The following FER1L6 variants were observed in gnomAD, a reference collection of about 807,000 sequenced individuals.
The protein encoded by FER1L6 is fer-1 like family member 6.
Under a neutral mutation model 219.2 loss-of-function variants are expected in FER1L6, and 177 were observed. That is an observed-to-expected ratio of 0.81 (90% CI 0.71 to 0.91). FER1L6 has a LOEUF of 0.91. FER1L6 is among the 40% of genes least tolerant of loss of function. FER1L6 has a pLI of 0.00. For synonymous variants in FER1L6, 768 were observed against 824.3 expected (o/e 0.93, Z 1.17); for missense variants, 2,153 against 2,259.9 (o/e 0.95, Z 0.96).
Position 123,852,960 on chromosome 8 carries a change from TTAGA to T in FER1L6, c.-8+778_-8+781del, listed in dbSNP as rs1816540205. Among the ~76,000 whole-genome samples the T allele has an allele frequency of 6.6e-6, 1 of 152,170 alleles. No homozygotes were observed. The highest frequency in any genetic ancestry group is 1.5e-5 in the Non-Finnish European group (1 of 68,026). Reference sequence around the variant, plus strand: ...TCATATATCATATATGAAATATGTATTAGATATAGATGTATTCTATGTGTCTATT... The same window carrying T: ...TCATATATCATATATGAAATATGTATTATAGATGTATTCTATGTGTCTATT... On this transcript the variant is annotated intron_variant, in intron 1 of 40. Transcript: ENST00000522917. The surrounding 1 kb of genome is among the most constrained non-coding windows in gnomAD (Gnocchi z 4.9).
chr8:124,066,372 T>G, intron 26 of FER1L6, 56 bp from the exon 27 acceptor site: 1 of 1,582,502 alleles, frequency 6.3e-7, no homozygotes, highest in South Asian at 1.2e-5. Flanking sequence ...CAGTTGACCA[T>G]CAGCATGCAG....
chr8:124,099,519 C>T (rs116484011), intron 37 of FER1L6, among the ~76,000 whole-genome samples: 39 of 152,258 alleles, frequency 2.6e-4, no homozygotes, highest in East Asian at 1.9e-4. Context: ...TCTCCATCTT[C>T]GCCACATCCC....
intron 1 of FER1L6, among the ~76,000 whole-genome samples, chr8:123,865,061 G>T (rs1816808760): frequency 6.6e-6 from 1 of 150,934 alleles, no homozygotes; most frequent in African/African-American, 2.5e-5. Flanking sequence ...GGTGCTCTGT[G>T]TTTTAGAGTT....
At chr8:123,874,011 A>G (rs1816964516) in intron 1 of FER1L6, among the ~76,000 whole-genome samples, 1 of 152,176 alleles carries the variant, frequency 6.6e-6, no homozygotes, top group Non-Finnish European at 1.5e-5. Flanking sequence ...AACATCTTAT[A>G]ATTACCACCT....
chr8:124,033,696 T>A (rs1236997418), intron 18 of FER1L6, among the ~76,000 whole-genome samples: 1 of 152,216 alleles, frequency 6.6e-6, no homozygotes, highest in Non-Finnish European at 1.5e-5. Flanking sequence ...AAATATTAGC[T>A]CATATTACCT....
Position 123,986,156 on chromosome 8 carries a change from T to G in FER1L6, c.1499T>G (p.Ile500Ser). The change falls in exon 12 of 41, where the codon ATC (isoleucine) becomes AGC (serine). Residue 500 changes from isoleucine (I) to serine (S), a missense_variant. Coordinates refer to ENST00000522917, the MANE Select transcript of FER1L6 (RefSeq NM_001039112.2). Reference protein sequence around the residue: ...MIDRKIGDKPISFEVSIGNFG... With the variant: ...MIDRKIGDKPSSFEVSIGNFG... ...GACCGGAAGATTGGAGATAAACCCA[T>G]CAGCTTTGAAGTTTCTATTGGTAAG... 6.2e-7 allele frequency: 1 copy of G among 1,610,722 alleles called. No homozygotes were observed. Among genetic ancestry groups the G allele is most frequent in the Admixed American group, 1.7e-5 (1 of 60,020 alleles).
At chr8:123,893,575 CTATT>C (rs1243670585) in intron 1 of FER1L6, among the ~76,000 whole-genome samples, 9 of 152,258 alleles carry the variant, frequency 5.9e-5, no homozygotes, top group African/African-American at 2.2e-4. Context: ...AATTTGTAAA[CTATT>C]TATGAATATT....
chr8:123,903,800 G>A (rs1586452284), intron 1 of FER1L6, among the ~76,000 whole-genome samples: 2 of 152,274 alleles, frequency 1.3e-5, no homozygotes, highest in African/African-American at 2.4e-5. Flanking sequence ...CCTAACCCGA[G>A]TACCCTGGGG....
chr8:123,895,761 AC>A (rs1812731896), intron 1 of FER1L6, among the ~76,000 whole-genome samples: 1 of 152,220 alleles, frequency 6.6e-6, no homozygotes, highest in South Asian at 2.1e-4. Context: ...TGTTCATCTC[AC>A]CCGTGAAATC....
At chr8:124,008,195 T>C (rs758478987) in intron 13 of FER1L6, among the ~76,000 whole-genome samples, 7 of 152,240 alleles carry the variant, frequency 4.6e-5, no homozygotes, top group African/African-American at 7.2e-5. Context: ...CATACGATGT[T>C]TGGTTTTCCA....
intron 1 of FER1L6, among the ~76,000 whole-genome samples, chr8:123,922,272 G>A (rs1813385838): frequency 6.6e-6 from 1 of 152,220 alleles, no homozygotes. Flanking sequence ...CCAGCTGACT[G>A]CCTGCTGGGG....
chr8:124,043,059 TTAGTCC>T (rs1365685927), intron 20 of FER1L6, among the ~76,000 whole-genome samples: 1 of 152,182 alleles, frequency 6.6e-6, no homozygotes, highest in Non-Finnish European at 1.5e-5. Flanking sequence ...AGGCTGGGGC[TTAGTCC>T]TGAGGACATG....
chr8:124,021,162 T>A (rs59350680), intron 16 of FER1L6, among the ~76,000 whole-genome samples: 3,856 of 152,222 alleles, frequency 0.025, 164 homozygotes, highest in African/African-American at 0.089. Context: ...AACGCCTCCA[T>A]GATTAAATTA....
intron 1 of FER1L6, among the ~76,000 whole-genome samples, chr8:123,926,240 G>T (rs1251227135): frequency 4.6e-5 from 7 of 152,184 alleles, no homozygotes; most frequent in African/African-American, 1.7e-4. Flanking sequence ...GAATCTTGTT[G>T]TGATGTCATA....
At chr8:124,034,236 A>G (rs1054076173) in intron 18 of FER1L6, among the ~76,000 whole-genome samples, 1 of 152,178 alleles carries the variant, frequency 6.6e-6, no homozygotes, top group Non-Finnish European at 1.5e-5. Context: ...AAGAGTTGAC[A>G]ACATTTTGAG....
intron 35 of FER1L6, among the ~76,000 whole-genome samples, chr8:124,095,528 G>A (rs1210496585): frequency 6.6e-6 from 1 of 152,150 alleles, no homozygotes; most frequent in Non-Finnish European, 1.5e-5. Context: ...TTAAAGAACT[G>A]GCAAGAAGAA....
At chr8:123,926,087 TA>T (rs903366311) in intron 1 of FER1L6, among the ~76,000 whole-genome samples, 16 of 152,126 alleles carry the variant, frequency 1.1e-4, no homozygotes, top group African/African-American at 2.4e-4. Context: ...TCAACATTTA[TA>T]AAAAAATGCA....
chr8:123,895,498 T>C (rs1398494235), intron 1 of FER1L6, among the ~76,000 whole-genome samples: 1 of 152,290 alleles, frequency 6.6e-6, no homozygotes, highest in South Asian at 2.1e-4. Context: ...GGTTTACAAA[T>C]GAGAAAGGTG....
rs114301511 is a variant in FER1L6 at position 124,071,327 on chromosome 8, A to C, written c.3967-179A>C. Among the ~76,000 whole-genome samples the C allele has an allele frequency of 5.1e-3, 777 of 152,318 alleles. 6 individuals are homozygous for C. Among genetic ancestry groups the C allele is most frequent in the African/African-American group, 0.017 (689 of 41,572 alleles). The stretch of plus-strand genomic sequence containing the variant: ...GCCAATTCACTGGTGTACCATGAAG[A>C]AGCTCAGATGCAAGCAGGCTACATA... On this transcript the variant is annotated intron_variant, in intron 30 of 40. Transcript: ENST00000522917.
Sources: gnomAD v4.1 joint callset for allele counts (sites outside exome capture counted in the v4.1 genomes callset) on GRCh38, gnomAD v4.1.1 for gene constraint, Gnocchi (gnomAD v3.1) non-coding constraint, MANE v1.5 for transcripts, NCBI Gene and HGNC (gene_info 2026-07-23, HGNC 2026-07-21) for gene names.